Variants in KIF6 observed in about 807,000 individuals in gnomAD.
KIF6 encodes kinesin-like protein KIF6.
Under a neutral mutation model 112.7 loss-of-function variants are expected in KIF6, and 106 were observed. That is an observed-to-expected ratio of 0.94 (90% CI 0.80 to 1.11). The LOEUF is 1.11. KIF6 is among the 50% of genes least tolerant of loss of function. KIF6 has a pLI of 0.00. For synonymous variants in KIF6, 339 were observed against 339.9 expected (o/e 1.00, Z 0.03); for missense variants, 929 against 964.0 (o/e 0.96, Z 0.48).
At chr6:39,453,895 TG>T (rs1772861355) in intron 13 of KIF6, among the ~76,000 whole-genome samples, 1 of 152,212 alleles carries the variant, frequency 6.6e-6, no homozygotes, top group African/African-American at 2.4e-5. Flanking sequence ...TGTATGTCTG[TG>T]ACTGCCCCTT....
At position 39,551,631 on chromosome 6, in the gene KIF6, C is replaced by G. The variant is rs74937520; in HGVS notation, c.1182-5943G>C. On this transcript the variant is annotated intron_variant, in intron 10 of 22. Transcript: ENST00000287152. ...ATAAATATGTACAACTAATATATATCCATAATATTAAAAATTAAAAAAACT... is the reference window on the plus strand; with the variant it reads ...ATAAATATGTACAACTAATATATATGCATAATATTAAAAATTAAAAAAACT... Among the ~76,000 whole-genome samples the G allele has an allele frequency of 3.7e-4, 56 of 151,550 alleles. No individual in the cohort carries two copies. The East Asian group carries it at 5.0e-3, about 14-fold the overall frequency.
chr6:39,629,027 A>G (rs1041456442), intron 5 of KIF6, among the ~76,000 whole-genome samples: 2 of 152,082 alleles, frequency 1.3e-5, no homozygotes, highest in Non-Finnish European at 2.9e-5. Flanking sequence ...TTCATTGCCA[A>G]ATAATATTCC....
intron 3 of KIF6, among the ~76,000 whole-genome samples, chr6:39,660,459 T>C (rs929794552): frequency 6.6e-6 from 1 of 152,156 alleles, no homozygotes; most frequent in African/African-American, 2.4e-5. Context: ...AGCTGTCTAG[T>C]TGTGTTGTCA....
chr6:39,670,002 T>C (rs1312583374), intron 3 of KIF6, among the ~76,000 whole-genome samples: 1 of 152,216 alleles, frequency 6.6e-6, no homozygotes, highest in East Asian at 1.9e-4. Context: ...GGAAAGGGTC[T>C]TTTAATGGAA....
intron 3 of KIF6, among the ~76,000 whole-genome samples, chr6:39,674,028 T>C (rs1786991590): frequency 6.6e-6 from 1 of 151,710 alleles, no homozygotes; most frequent in African/African-American, 2.4e-5. Flanking sequence ...AAATATAAGG[T>C]TTAGAAAAGA....
Position 39,552,106 on chromosome 6 carries a change from T to C in KIF6, c.1182-6418A>G, listed in dbSNP as rs942498063. ...GCATTGCAACAAGGCAACTGGTTAT[T>C]GAATGTTGACACAAGAATACATACA... On this transcript the variant is annotated intron_variant, in intron 10 of 22. Coordinates refer to ENST00000287152, the MANE Select transcript of KIF6 (RefSeq NM_145027.6). Among the ~76,000 whole-genome samples, 113 of 152,324 alleles carry C rather than the reference T, an allele frequency of 7.4e-4. 2 individuals carry two copies. Among genetic ancestry groups the C allele is most frequent in the Non-Finnish European group, 2.8e-4 (19 of 68,020 alleles).
chr6:39,430,142 G>C (rs1771051355), intron 14 of KIF6, among the ~76,000 whole-genome samples: 1 of 151,886 alleles, frequency 6.6e-6, no homozygotes, highest in Non-Finnish European at 1.5e-5. Context: ...ATTTTCTCCT[G>C]GTTCGCCCCC....
intron 1 of KIF6, among the ~76,000 whole-genome samples, chr6:39,724,270 G>C: frequency 6.6e-6 from 1 of 152,056 alleles, no homozygotes; most frequent in East Asian, 1.9e-4. Context: ...TAGCTAACAG[G>C]GTGAAACCCG....
intron 3 of KIF6, among the ~76,000 whole-genome samples, chr6:39,664,118 T>C (rs1022146488): frequency 1.3e-5 from 2 of 152,100 alleles, no homozygotes; most frequent in Admixed American, 6.6e-5. Context: ...ATAACTGTTA[T>C]AAATAATAAG....
At chr6:39,681,029 G>A (rs1787480867) in intron 3 of KIF6, among the ~76,000 whole-genome samples, 1 of 152,100 alleles carries the variant, frequency 6.6e-6, no homozygotes, top group Non-Finnish European at 1.5e-5. Context: ...GTCTGAGAAA[G>A]CCAATAAAAG....
chr6:39,681,795 A>G (rs1422867269), intron 3 of KIF6, among the ~76,000 whole-genome samples: 1 of 152,238 alleles, frequency 6.6e-6, no homozygotes, highest in Non-Finnish European at 1.5e-5. Flanking sequence ...AAATTCCGCT[A>G]TAACAAAGCC....
intron 18 of KIF6, among the ~76,000 whole-genome samples, chr6:39,359,638 T>G (rs1357043218): frequency 2.0e-5 from 3 of 152,168 alleles, no homozygotes; most frequent in Non-Finnish European, 4.4e-5. Flanking sequence ...CAGGCTGGAG[T>G]GCAGTGGGTC....
At chr6:39,669,515 A>G (rs1561914238) in intron 3 of KIF6, among the ~76,000 whole-genome samples, 1 of 152,218 alleles carries the variant, frequency 6.6e-6, no homozygotes, top group Non-Finnish European at 1.5e-5. Context: ...CACATCTCAC[A>G]TAGGTCCATT....
intron 10 of KIF6, among the ~76,000 whole-genome samples, chr6:39,567,891 G>C (rs1780398489): frequency 6.6e-6 from 1 of 152,210 alleles, no homozygotes; most frequent in Admixed American, 6.5e-5. Context: ...ACAGGTGTGA[G>C]CCACTGAGCC....
At chr6:39,578,219 A>T in intron 9 of KIF6, 60 bp from the exon 10 acceptor site, 1 of 1,090,512 alleles carries the variant, frequency 9.2e-7, no homozygotes, top group Non-Finnish European at 1.4e-6. Context: ...ACTTGGTGAC[A>T]GAGAACATAC....
chr6:39,360,933 T>C (rs1350460371), intron 17 of KIF6, among the ~76,000 whole-genome samples: 4 of 152,152 alleles, frequency 2.6e-5, no homozygotes, highest in Non-Finnish European at 5.9e-5. Flanking sequence ...ATTCGGAACC[T>C]GAGACAGGTA....
chr6:39,668,385 C>T (rs906705735), intron 3 of KIF6, among the ~76,000 whole-genome samples: 2 of 152,142 alleles, frequency 1.3e-5, no homozygotes, highest in Non-Finnish European at 2.9e-5. Context: ...AGTTCAAACA[C>T]TGACTCAATT....
At chr6:39,633,001 T>C (rs905034557) in intron 5 of KIF6, among the ~76,000 whole-genome samples, 2 of 151,992 alleles carry the variant, frequency 1.3e-5, no homozygotes, top group East Asian at 3.9e-4. Flanking sequence ...GAAAGTTTGA[T>C]TGAGTGATGA....
At chr6:39,598,971 G>A (rs1056920015) in intron 6 of KIF6, among the ~76,000 whole-genome samples, 4 of 152,082 alleles carry the variant, frequency 2.6e-5, no homozygotes, top group Non-Finnish European at 5.9e-5. Flanking sequence ...AGAAGCATAC[G>A]GCAAATTAAT....
Sources: gnomAD v4.1 joint callset for allele counts (sites outside exome capture counted in the v4.1 genomes callset) on GRCh38, gnomAD v4.1.1 for gene constraint, MANE v1.5 for transcripts, NCBI Gene and HGNC (gene_info 2026-07-23, HGNC 2026-07-21) for gene names.